CD302: variants seen among roughly 807,000 people sequenced by gnomAD.
CD302 encodes the protein CD302 antigen.
In CD302, 23 loss-of-function variants were observed where a neutral mutation model predicts 26.5. That is an observed-to-expected ratio of 0.87 (90% CI 0.62 to 1.23). CD302 has a LOEUF of 1.23. Among genes scored for constraint, CD302 ranks in the 50% most tolerant of loss-of-function variants. CD302 has a pLI of 0.00. For synonymous variants in CD302, 90 were observed against 99.4 expected (o/e 0.91, Z 0.56); for missense variants, 290 against 275.5 (o/e 1.05, Z -0.37).
intron 4 of CD302, 89 bp from the exon 5 acceptor site, chr2:159,778,053 A>G (rs916380006): frequency 4.0e-5 from 20 of 500,188 alleles, no homozygotes; most frequent in African/African-American, 3.3e-4. Flanking sequence ...TTAAAAATAA[A>G]CCCTTTTATT....
At chr2:159,791,456 G>A (rs1376176487) in intron 1 of CD302, among the ~76,000 whole-genome samples, 1 of 152,136 alleles carries the variant, frequency 6.6e-6, no homozygotes, top group Admixed American at 6.5e-5. Context: ...TTTGGAAAAG[G>A]AAATGTGTTA....
chr2:159,771,792 T>C lies in CD302; in HGVS notation c.*59A>G, dbSNP rs979819020. 125 of 1,572,838 alleles carry C rather than the reference T, an allele frequency of 7.9e-5. No individual in the cohort carries two copies. The highest frequency in any genetic ancestry group is 1.1e-4 in the Non-Finnish European group (122 of 1,150,220). Reference sequence around the variant, plus strand: ...ATGTCAAGTTTTATATTAAAATCTTTCCCAAGTTATCTCTGCCAGGGCATT... The same window carrying C: ...ATGTCAAGTTTTATATTAAAATCTTCCCCAAGTTATCTCTGCCAGGGCATT... On this transcript the variant is annotated 3_prime_UTR_variant, in exon 6 of 6. Coordinates refer to ENST00000259053, the MANE Select transcript of CD302 (RefSeq NM_014880.5).
At chr2:159,772,953 C>T (rs1708200876) in intron 5 of CD302, among the ~76,000 whole-genome samples, 2 of 151,944 alleles carry the variant, frequency 1.3e-5, no homozygotes, top group South Asian at 4.1e-4. Context: ...CTTTTTAATT[C>T]TGAAATAAAA....
At chr2:159,795,092 G>T (rs1341732845) in intron 1 of CD302, among the ~76,000 whole-genome samples, 4 of 151,310 alleles carry the variant, frequency 2.6e-5, no homozygotes, top group Admixed American at 1.3e-4. Flanking sequence ...GCATGGTGGC[G>T]CATGCCTGTA....
At chr2:159,776,395 G>C (rs1708325793) in intron 5 of CD302, among the ~76,000 whole-genome samples, 2 of 152,218 alleles carry the variant, frequency 1.3e-5, no homozygotes, top group East Asian at 3.9e-4. Context: ...AAGAGTCCTT[G>C]CTTTCAGTTA....
At chr2:159,789,495 C>T (rs780656702) in intron 1 of CD302, among the ~76,000 whole-genome samples, 2 of 151,056 alleles carry the variant, frequency 1.3e-5, no homozygotes, top group East Asian at 3.9e-4. Flanking sequence ...ACTCTAATTT[C>T]TAGGTCAGTT....
At chr2:159,782,793 C>CT (rs1181256222) in intron 2 of CD302, among the ~76,000 whole-genome samples, 2 of 151,724 alleles carry the variant, frequency 1.3e-5, no homozygotes, top group Admixed American at 1.3e-4. Flanking sequence ...CTAGAGAACA[C>CT]TGAGTGTATG....
At chr2:159,773,165 G>A (rs1163914350) in intron 5 of CD302, among the ~76,000 whole-genome samples, 1 of 152,156 alleles carries the variant, frequency 6.6e-6, no homozygotes, top group African/African-American at 2.4e-5. Context: ...ACAGGCGCAC[G>A]CCATGATGTC....
intron 5 of CD302, among the ~76,000 whole-genome samples, chr2:159,775,673 C>G (rs1322502752): frequency 6.6e-6 from 1 of 152,180 alleles, no homozygotes; most frequent in Non-Finnish European, 1.5e-5. Context: ...CTTAGGTGTG[C>G]AGTAGCATTA....
chr2:159,783,776 A>G (rs1323336904), intron 1 of CD302, among the ~76,000 whole-genome samples: 2 of 152,206 alleles, frequency 1.3e-5, no homozygotes, highest in African/African-American at 2.4e-5. Flanking sequence ...CAAACTATCT[A>G]GAAGACAGCC....
chr2:159,772,049 G>C lies in CD302; in HGVS notation c.501C>G (p.Asn167Lys), dbSNP rs774423733. ...TCACCAATGCTGATATTAAAATGTG[G>C]TTATCTGAAAAGGAAAAGACAAAAG... ...IPYKRKYLSD[N>K]HILISALVIA... Residue 167 changes from asparagine to lysine, a missense_variant, in exon 6 of 6, where the codon AAC (asparagine) becomes AAG (lysine). By Grantham distance (94) the Asn-to-Lys change is moderately conservative (BLOSUM62 0). Coordinates refer to ENST00000259053, the MANE Select transcript of CD302 (RefSeq NM_014880.5). 1 of 1,613,694 alleles carries C rather than the reference G, an allele frequency of 6.2e-7. No individual in the cohort carries two copies. Among genetic ancestry groups the C allele is most frequent in the Non-Finnish European group, 8.5e-7 (1 of 1,179,818 alleles).
Position 159,769,043 on chromosome 2 carries a change from GATTATCATGTAAAT to G in CD302, c.*2794_*2807del, listed in dbSNP as rs1364747025. The G allele has an allele frequency of 6.6e-6, 1 of 152,104 alleles. No individual in the cohort carries two copies. The highest frequency in any genetic ancestry group is 1.5e-5 in the Non-Finnish European group (1 of 68,000). 9.4% of individuals were successfully genotyped at this position (152,104 alleles called of 1,614,324 possible). A position where few individuals can be genotyped will look rare whatever the true frequency, so the allele number is the denominator to read the frequency against. On this transcript the variant is annotated 3_prime_UTR_variant, in exon 6 of 6. Transcript: ENST00000259053. ...TTTAAATATTGTCATATTAGCTTCA[GATTATCATGTAAAT>G]GACGGTAGAGGAATAAGAGAAAAGG...
chr2:159,790,069 G>C (rs1372952844), intron 1 of CD302, among the ~76,000 whole-genome samples: 1 of 152,166 alleles, frequency 6.6e-6, no homozygotes, highest in African/African-American at 2.4e-5. Flanking sequence ...GTTGTCAACA[G>C]TTGGTCACCC....
chr2:159,783,332 AC>A, intron 2 of CD302, 26 bp downstream of exon 2: 1 of 1,536,946 alleles, frequency 6.5e-7, no homozygotes, highest in Non-Finnish European at 8.7e-7. Context: ...TTGTGAAAAA[AC>A]AAACAGAAAA....
rs1262304195 is a variant in CD302, at chr2:159,769,114, CAA to C, written c.*2735_*2736del. On this transcript the variant is annotated 3_prime_UTR_variant, in exon 6 of 6. Coordinates refer to ENST00000259053, the MANE Select transcript of CD302 (RefSeq NM_014880.5). The stretch of plus-strand genomic sequence containing the variant: ...TTGGTTATCAGTTTTAAATTCTGAA[CAA>C]AAGAGACCATACACTGCTCACTACA... 2.6e-5 allele frequency: 4 copies of C among 152,208 alleles called. No homozygotes were observed. In the East Asian group the frequency reaches 7.7e-4, roughly 29 times the overall value. The allele number at this position is 152,208 out of a possible 1,614,324, so 9.4% of individuals were successfully genotyped here.
chr2:159,779,424 C>G (rs1361639642), intron 4 of CD302, among the ~76,000 whole-genome samples: 1 of 152,072 alleles, frequency 6.6e-6, no homozygotes, highest in Non-Finnish European at 1.5e-5. Flanking sequence ...CTTCTGCTCA[C>G]TCAAATCACA....
In CD302 at chr2:159,772,731, C is replaced by T. The variant is rs570679993; in HGVS notation, c.497-678G>A. Among the ~76,000 whole-genome samples, 10 of 152,246 alleles carry T rather than the reference C, an allele frequency of 6.6e-5. 1 individual carries two copies. The South Asian group carries it at 2.1e-3, about 32-fold the overall frequency. On this transcript the variant is annotated intron_variant, in intron 5 of 5. Coordinates refer to ENST00000259053, the MANE Select transcript of CD302 (RefSeq NM_014880.5). The stretch of plus-strand genomic sequence containing the variant: ...GACTCTAAAGAATGTGAAAACTTTT[C>T]AGAATTATTTTGACAGATTTTTTAT...
intron 2 of CD302, chr2:159,781,618 G>GGAA (rs1024776100): frequency 2.7e-5 from 4 of 150,142 alleles, no homozygotes; most frequent in Non-Finnish European, 4.4e-5. Flanking sequence ...AAAGAAAAGA[G>GGAA]GAAGAAGAAA....
chr2:159,778,032 G>A, intron 4 of CD302, 68 bp from the exon 5 acceptor site: 1 of 614,310 alleles, frequency 1.6e-6, no homozygotes, highest in Admixed American at 4.0e-5. Flanking sequence ...CTTTAAACAT[G>A]TTCACAATCA....
Sources: gnomAD v4.1 joint callset for allele counts (sites outside exome capture counted in the v4.1 genomes callset) on GRCh38, gnomAD v4.1.1 for gene constraint, MANE v1.5 for transcripts, NCBI Gene and HGNC (gene_info 2026-07-23, HGNC 2026-07-21) for gene names.